ROBO2: variants seen among roughly 807,000 people sequenced by gnomAD.
ROBO2 encodes the protein roundabout homolog 2.
ROBO2 carries 53 observed loss-of-function variants against 160.8 expected under a neutral mutation model. The ratio of observed to expected loss-of-function variants is 0.33; its 90% CI spans 0.26 to 0.41. The LOEUF (loss-of-function observed/expected upper bound fraction) is 0.41. Ranked by LOEUF, ROBO2 falls within the 10% of genes least tolerant of loss-of-function variation. The pLI is 1.00. For missense variants in ROBO2, 1,577 were observed against 1,722.4 expected, an observed-to-expected ratio of 0.92 and a Z score of 1.49; for synonymous variants, 664 against 611.7, an observed-to-expected ratio of 1.09 and a Z score of -1.26.
chr3:77,233,609 T>C lies in ROBO2; in HGVS notation c.388+135269T>C, dbSNP rs1392604847. On this transcript the variant is annotated intron_variant, in intron 2 of 25. Transcript: ENST00000461745. ...TTCAAATTTTAGTATAATACTAGTA[T>C]AATACTTTTATATCAGTATCCCATG... 3.3e-5 allele frequency among the ~76,000 whole-genome samples: 5 copies of C among 152,348 alleles called. No individual in the cohort carries two copies. The East Asian group carries it at 9.6e-4, about 29-fold the overall frequency.
intron 2 of ROBO2, among the ~76,000 whole-genome samples, chr3:77,132,919 T>C (rs1301686527): frequency 6.6e-6 from 1 of 152,174 alleles, no homozygotes; most frequent in East Asian, 1.9e-4. Flanking sequence ...CAGAAGTGAA[T>C]ACATCTTAAG....
chr3:77,364,399 T>C (rs1042820867), intron 2 of ROBO2, among the ~76,000 whole-genome samples: 2 of 152,118 alleles, frequency 1.3e-5, no homozygotes, highest in Non-Finnish European at 2.9e-5. Context: ...AGTGATCATA[T>C]ATAGCTAAAA....
rs916251577 is a variant in ROBO2 at position 76,729,930 on chromosome 3, G to A, written c.110-368084G>A. 3.3e-5 allele frequency among the ~76,000 whole-genome samples: 5 copies of A among 152,060 alleles called. No homozygotes were observed. The East Asian group carries it at 5.8e-4, about 18-fold the overall frequency. On this transcript the variant is annotated intron_variant, in intron 2 of 26. Coordinates refer to the ROBO2 transcript ENST00000487694. Reference sequence around the variant, plus strand: ...AGGGATTATGGGCGTGAGCCACTTCGCCCGGCCTACACATGTATTTCTAAG... The same window carrying A: ...AGGGATTATGGGCGTGAGCCACTTCACCCGGCCTACACATGTATTTCTAAG...
intron 2 of ROBO2, among the ~76,000 whole-genome samples, chr3:76,060,746 A>G (rs2068045965): frequency 2.0e-5 from 3 of 152,234 alleles, no homozygotes; most frequent in Non-Finnish European, 2.9e-5. Flanking sequence ...AGTCAGGAAT[A>G]GACATCTCCT....
intron 1 of ROBO2, among the ~76,000 whole-genome samples, chr3:75,918,775 T>C (rs1456938601): frequency 6.6e-6 from 1 of 152,190 alleles, no homozygotes; most frequent in Non-Finnish European, 1.5e-5. Context: ...TTCCTACGTA[T>C]TTTGTTTTCT....
intron 2 of ROBO2, among the ~76,000 whole-genome samples, chr3:77,130,848 G>A (rs933066941): frequency 1.3e-5 from 2 of 152,092 alleles, no homozygotes; most frequent in African/African-American, 4.8e-5. Context: ...CTTTAAAATG[G>A]AAACATATAT....
chr3:76,712,714 GA>G (rs1255306361), intron 2 of ROBO2, among the ~76,000 whole-genome samples: 2 of 151,560 alleles, frequency 1.3e-5, no homozygotes, highest in Non-Finnish European at 2.9e-5. Flanking sequence ...AAATTTAAAT[GA>G]AAAAAGCTCT....
intron 2 of ROBO2, among the ~76,000 whole-genome samples, chr3:76,012,722 T>C (rs1250875982): frequency 6.6e-6 from 1 of 152,212 alleles, no homozygotes; most frequent in African/African-American, 2.4e-5. Flanking sequence ...ATATAATTTA[T>C]CTAAGCTCCA....
At chr3:76,061,997 C>G (rs574370461) in intron 2 of ROBO2, among the ~76,000 whole-genome samples, 6 of 152,254 alleles carry the variant, frequency 3.9e-5, no homozygotes, top group Admixed American at 3.9e-4. Context: ...GCTTCTCTTT[C>G]CCATTTTAAA....
intron 2 of ROBO2, among the ~76,000 whole-genome samples, chr3:76,619,821 G>C (rs981816908): frequency 2.0e-5 from 3 of 152,090 alleles, no homozygotes; most frequent in Non-Finnish European, 2.9e-5. Context: ...ATCACTTTGA[G>C]CTTTCAGTGG....
At chr3:77,344,138 T>C (rs1243135785) in intron 2 of ROBO2, among the ~76,000 whole-genome samples, 1 of 152,144 alleles carries the variant, frequency 6.6e-6, no homozygotes, top group African/African-American at 2.4e-5. Flanking sequence ...CCTTTTATGG[T>C]CAGAGAGGTC....
chr3:76,095,415 A>G (rs1299130779), intron 2 of ROBO2, among the ~76,000 whole-genome samples: 3 of 152,154 alleles, frequency 2.0e-5, no homozygotes, highest in South Asian at 4.1e-4. Flanking sequence ...ATAATATAAT[A>G]AAAGAAAAAA....
intron 2 of ROBO2, among the ~76,000 whole-genome samples, chr3:76,973,286 T>C (rs2059658541): frequency 6.6e-6 from 1 of 152,186 alleles, no homozygotes; most frequent in South Asian, 2.1e-4. Context: ...GTGGGCAACA[T>C]GCTTCAGTAG....
At chr3:76,965,153 A>G (rs1408799968) in intron 2 of ROBO2, among the ~76,000 whole-genome samples, 3 of 152,214 alleles carry the variant, frequency 2.0e-5, no homozygotes, top group Non-Finnish European at 4.4e-5. Context: ...GTGGTAGAAG[A>G]GAAATGGAAA....
intron 2 of ROBO2, among the ~76,000 whole-genome samples, chr3:76,331,823 A>G (rs549007282): frequency 1.6e-4 from 24 of 151,794 alleles, no homozygotes; most frequent in African/African-American, 5.8e-4. Flanking sequence ...AGCTGGGACT[A>G]CAGGCGCCCA....
chr3:77,414,404 C>T (rs528624324), intron 2 of ROBO2, among the ~76,000 whole-genome samples: 11 of 151,946 alleles, frequency 7.2e-5, no homozygotes, highest in South Asian at 2.1e-4. Flanking sequence ...TCCTGCAGTA[C>T]GGGGAAGAAG....
rs1009903279 is a variant in ROBO2, at chr3:76,962,956, T to C, written c.110-135058T>C. On this transcript the variant is annotated intron_variant, in intron 2 of 26. Transcript: ENST00000487694. Reference sequence around the variant, plus strand: ...TGTCATTAATGTTAAAAATGAGTTTTTAAAATGATTTACTTTTTAATCTAG... The same window carrying C: ...TGTCATTAATGTTAAAAATGAGTTTCTAAAATGATTTACTTTTTAATCTAG... Among the ~76,000 whole-genome samples, 5 of 152,336 alleles carry C rather than the reference T, an allele frequency of 3.3e-5. No individual in the cohort carries two copies. In the South Asian group the frequency reaches 1.0e-3, roughly 32 times the overall value.
At chr3:76,551,887 A>G (rs1268899359) in intron 2 of ROBO2, among the ~76,000 whole-genome samples, 1 of 152,030 alleles carries the variant, frequency 6.6e-6, no homozygotes. Flanking sequence ...GCTCACCCAC[A>G]CATCCCTCAC....
chr3:77,410,702 C>CTCCTCCTCT (rs1560758803), intron 2 of ROBO2, among the ~76,000 whole-genome samples: 5 of 97,664 alleles, frequency 5.1e-5, no homozygotes, highest in East Asian at 2.9e-4. Context: ...CCTCCTCTTC[C>CTCCTCCTCT]TCCTCCTCCT....
Sources: gnomAD v4.1 joint callset for allele counts (sites outside exome capture counted in the v4.1 genomes callset) on GRCh38, gnomAD v4.1.1 for gene constraint, MANE v1.5 for transcripts, NCBI Gene and HGNC (gene_info 2026-07-23, HGNC 2026-07-21) for gene names.